TNFRSF8: variants seen among roughly 807,000 people sequenced by gnomAD.
TNFRSF8 encodes tumor necrosis factor receptor superfamily member 8.
Under a neutral mutation model 70.8 loss-of-function variants are expected in TNFRSF8, and 26 were observed. The observed-to-expected ratio is 0.37, with a 90% CI of 0.27 to 0.51. TNFRSF8 has a LOEUF of 0.51. Ranked by LOEUF, TNFRSF8 falls within the 20% of genes least tolerant of loss-of-function variation. The pLI, the probability that TNFRSF8 is intolerant of heterozygous loss-of-function variation, is 0.94. For missense variants in TNFRSF8, 720 were observed against 807.9 expected, an observed-to-expected ratio of 0.89 and a Z score of 1.32; for synonymous variants, 356 against 339.2, an observed-to-expected ratio of 1.05 and a Z score of -0.54.
chr1:12,096,976 C>T, intron 2 of TNFRSF8, 125 bp from the exon 3 acceptor site: 1 of 686,360 alleles, frequency 1.5e-6, no homozygotes, highest in Non-Finnish European at 2.6e-6. Flanking sequence ...AAGAATTGGA[C>T]TGACAGTTTT....
chr1:12,098,889 A>C (rs1641373130), intron 3 of TNFRSF8, among the ~76,000 whole-genome samples: 1 of 152,228 alleles, frequency 6.6e-6, no homozygotes, highest in Non-Finnish European at 1.5e-5. Flanking sequence ...TATTCCTTAC[A>C]CAAATTTTAC....
At chr1:12,076,563 C>G (rs1181913981) in intron 1 of TNFRSF8, among the ~76,000 whole-genome samples, 1 of 152,176 alleles carries the variant, frequency 6.6e-6, no homozygotes, top group Non-Finnish European at 1.5e-5. Flanking sequence ...GTTTCCGTGT[C>G]CACTGTCTTT....
In TNFRSF8 at chr1:12,110,268, G is replaced by A; in HGVS notation, c.676+64G>A. On this transcript the variant is annotated intron_variant, in intron 6 of 14. Transcript: ENST00000263932. The surrounding 1 kb of genome is among the most constrained non-coding windows in gnomAD (Gnocchi z 4.0). ...TGCTCGATTGGTGGATGGCCCATGA[G>A]TGGGGGTGTTTGGAGCAGGCGGGCA... 6.7e-7 allele frequency: 1 copy of A among 1,484,560 alleles called. No homozygotes were observed. Among genetic ancestry groups the A allele is most frequent in the Non-Finnish European group, 9.0e-7 (1 of 1,111,494 alleles). 92.0% of individuals were successfully genotyped at this position (1,484,560 alleles called of 1,614,324 possible). A position where few individuals can be genotyped will look rare whatever the true frequency, so the allele number is the denominator to read the frequency against.
intron 4 of TNFRSF8, among the ~76,000 whole-genome samples, chr1:12,106,659 T>A (rs1210664520): frequency 6.6e-6 from 1 of 151,916 alleles, no homozygotes; most frequent in African/African-American, 2.4e-5. Context: ...GGAGTTCAAA[T>A]CTGGTCAAAT....
intron 3 of TNFRSF8, among the ~76,000 whole-genome samples, chr1:12,102,555 T>C (rs1641443121): frequency 6.6e-6 from 1 of 152,176 alleles, no homozygotes; most frequent in African/African-American, 2.4e-5. Context: ...AGACGGAGTC[T>C]CGCTCTTTTG....
At chr1:12,092,744 G>A (rs1276955828) in intron 2 of TNFRSF8, among the ~76,000 whole-genome samples, 8 of 151,756 alleles carry the variant, frequency 5.3e-5, no homozygotes, top group African/African-American at 1.7e-4. Context: ...TCCTGACCTC[G>A]TGATCCGCCT....
intron 2 of TNFRSF8, among the ~76,000 whole-genome samples, chr1:12,093,526 T>A (rs980853172): frequency 1.3e-5 from 2 of 151,992 alleles, no homozygotes; most frequent in African/African-American, 4.8e-5. Context: ...ATAGAAAGAC[T>A]CATCCTCAAG....
chr1:12,130,386 A>T (rs1340280693), intron 12 of TNFRSF8, among the ~76,000 whole-genome samples: 3 of 152,090 alleles, frequency 2.0e-5, no homozygotes, highest in Admixed American at 2.0e-4. Flanking sequence ...GTGTATCCTC[A>T]TCCTGTGCTT....
chr1:12,126,292 C>T (rs1641939048), intron 12 of TNFRSF8, 56 bp downstream of exon 12: 1 of 1,607,456 alleles, frequency 6.2e-7, no homozygotes, highest in South Asian at 1.1e-5. Flanking sequence ...CAGGGCAGCT[C>T]TGGGCCCGGG....
chr1:12,113,040 A>C lies in TNFRSF8; in HGVS notation c.793+1026A>C, dbSNP rs115714493. On this transcript the variant is annotated intron_variant, in intron 7 of 14. Coordinates refer to ENST00000263932, the MANE Select transcript of TNFRSF8 (RefSeq NM_001243.5). This position sits in a 1 kb window ranked among gnomAD's most constrained non-coding sequence, Gnocchi z 4.9. ...AGGCTGCATAGCAAATTTTCTTAAA[A>C]CTTAATTGTGAAAACAAATCATTCT... Among the ~76,000 whole-genome samples, 523 of 152,328 alleles carry C rather than the reference A, an allele frequency of 3.4e-3. 3 individuals are homozygous for C. The highest frequency in any genetic ancestry group is 0.012 in the African/African-American group (499 of 41,566).
At position 12,116,814 on chromosome 1, in the gene TNFRSF8, C is replaced by A. The variant is rs562440415; in HGVS notation, c.946+1085C>A. ...AACTCTGCCTAAAAAAGAAAAAAAACCAAGTGGAGGGAAGGTCACCCAATG... is the reference window on the plus strand; with the variant it reads ...AACTCTGCCTAAAAAAGAAAAAAAAACAAGTGGAGGGAAGGTCACCCAATG... On this transcript the variant is annotated intron_variant, in intron 8 of 14. Transcript: ENST00000263932. 2.4e-3 allele frequency among the ~76,000 whole-genome samples: 365 copies of A among 151,898 alleles called. 1 individual carries two copies. Among genetic ancestry groups the A allele is most frequent in the African/African-American group, 8.4e-3 (347 of 41,436 alleles).
At chr1:12,134,965 G>A (rs866709749) in intron 12 of TNFRSF8, among the ~76,000 whole-genome samples, 1 of 152,148 alleles carries the variant, frequency 6.6e-6, no homozygotes, top group Non-Finnish European at 1.5e-5. Context: ...CCTTGCATGT[G>A]CGCGGGGGTG....
chr1:12,078,993 CAG>C (rs991243102), intron 1 of TNFRSF8, among the ~76,000 whole-genome samples: 5 of 152,296 alleles, frequency 3.3e-5, no homozygotes, highest in South Asian at 2.1e-4. Flanking sequence ...CCTTGAATAA[CAG>C]AGCGCACAGC....
intron 2 of TNFRSF8, among the ~76,000 whole-genome samples, chr1:12,090,030 C>G (rs116200417): frequency 0.014 from 2,046 of 150,156 alleles, 45 homozygotes; most frequent in African/African-American, 0.047. Context: ...TCCACCTTTC[C>G]CCATCCATCT....
At chr1:12,073,617 AG>A (rs2100949254) in intron 1 of TNFRSF8, among the ~76,000 whole-genome samples, 1 of 134,800 alleles carries the variant, frequency 7.4e-6, no homozygotes, top group East Asian at 2.1e-4. Flanking sequence ...TTTTCTTGAC[AG>A]AGTCTCACTC....
rs755207420 is a variant in TNFRSF8 at position 12,138,318 on chromosome 1, G to T, written c.1425G>T (p.Val475=). ...SQPLMETCHS[V]GAAYLESLPL... is the part of the protein sequence containing the mutation. ...CACTGATGGAGACCTGCCACAGCGT[G>T]GGGGCAGCCTACCTGGAGAGCCTGC... The change falls in exon 14 of 15, where the codon GTG becomes GTT. Residue 475 remains valine, a synonymous_variant. Transcript: ENST00000263932. The surrounding 1 kb of genome is among the most constrained non-coding windows in gnomAD (Gnocchi z 5.7). 8 of 1,613,670 alleles carry T rather than the reference G, an allele frequency of 5.0e-6. No individual in the cohort carries two copies. The Admixed American group carries it at 1.2e-4, about 24-fold the overall frequency.
At chr1:12,076,648 G>A (rs938935984) in intron 1 of TNFRSF8, among the ~76,000 whole-genome samples, 22 of 152,132 alleles carry the variant, frequency 1.4e-4, no homozygotes, top group Non-Finnish European at 2.6e-4. Context: ...AGGAACTGGG[G>A]AAAACTCAAC....
intron 3 of TNFRSF8, among the ~76,000 whole-genome samples, chr1:12,099,062 T>G (rs1254349077): frequency 2.6e-5 from 4 of 152,312 alleles, no homozygotes; most frequent in African/African-American, 9.6e-5. Context: ...GATTACACTG[T>G]CAGGTGGATT....
chr1:12,126,477 G>A (rs1641943112), intron 12 of TNFRSF8, among the ~76,000 whole-genome samples: 1 of 152,230 alleles, frequency 6.6e-6, no homozygotes, highest in Non-Finnish European at 1.5e-5. Flanking sequence ...GCCCAGAGCA[G>A]CACCTGGATG....
Sources: gnomAD v4.1 joint callset for allele counts (sites outside exome capture counted in the v4.1 genomes callset) on GRCh38, gnomAD v4.1.1 for gene constraint, Gnocchi (gnomAD v3.1) non-coding constraint, MANE v1.5 for transcripts, NCBI Gene and HGNC (gene_info 2026-07-23, HGNC 2026-07-21) for gene names.